The following PCDHA10 variants were observed in gnomAD, a reference collection of about 807,000 sequenced individuals.
PCDHA10 encodes protocadherin alpha-10.
In PCDHA10, 45 loss-of-function variants were observed where a neutral mutation model predicts 61.2. That is an observed-to-expected ratio of 0.74 (90% CI 0.58 to 0.94). PCDHA10 has a LOEUF of 0.94. PCDHA10 is among the 40% of genes least tolerant of loss of function. The pLI is 0.00. For missense variants in PCDHA10, 1,278 were observed against 1,236.2 expected (o/e 1.03, Z -0.51); for synonymous variants, 602 against 548.8 (o/e 1.10, Z -1.35).
At chr5:140,966,767 A>T in intron 1 of PCDHA10, 1 of 1,484,362 alleles carries the variant, frequency 6.7e-7, no homozygotes, top group South Asian at 1.3e-5. Context: ...GCCAGTGGCT[A>T]TGGAGCAGGC....
rs201652283 is a variant in PCDHA10, at chr5:141,009,916, G to A, written c.2826G>A (p.Thr942=). The A allele has an allele frequency of 4.3e-6, 7 of 1,611,506 alleles. No homozygotes were observed. The highest frequency in any genetic ancestry group is 2.2e-5 in the East Asian group (1 of 44,862). ...TQEKKEKGNS[T]TDNSDQ is the part of the protein sequence containing the mutation. The stretch of plus-strand genomic sequence containing the variant: ...AGAAAAAAGAGAAAGGGAACAGCAC[G>A]ACTGACAACAGTGACCAGTGAGGTC... Residue 942 remains threonine (T), a synonymous_variant, in exon 4 of 4, where the codon ACG becomes ACA. Coordinates refer to ENST00000307360, the MANE Select transcript of PCDHA10 (RefSeq NM_018901.4).
intron 1 of PCDHA10, chr5:140,883,938 A>C (rs782647232): frequency 6.2e-7 from 1 of 1,613,360 alleles, no homozygotes; most frequent in East Asian, 2.2e-5. Context: ...TTCGTGCTGG[A>C]CGAGAACGAC....
Position 140,858,189 on chromosome 5 carries a change from T to C in PCDHA10, c.2141T>C (p.Leu714Pro). The C allele has an allele frequency of 1.3e-6, 2 of 1,597,232 alleles. 1 individual carries two copies. Among genetic ancestry groups the C allele is most frequent in the Non-Finnish European group, 1.7e-6 (2 of 1,167,008 alleles). The change falls in exon 1 of 4, where the codon CTG (leucine) becomes CCG (proline). Residue 714 changes from leucine to proline, a missense_variant. Coordinates refer to ENST00000307360, the MANE Select transcript of PCDHA10 (RefSeq NM_018901.4). ...TCCAGCTTGCTGGTGCTCACGCTGC[T>C]GCTGTACACTGCACTGAGGTGCTCG... Reference protein sequence around the residue: ...AVSSLLVLTLLLYTALRCSAA... With the variant: ...AVSSLLVLTLPLYTALRCSAA...
At chr5:140,926,217 T>C (rs1201243643) in intron 1 of PCDHA10, among the ~76,000 whole-genome samples, 1 of 151,994 alleles carries the variant, frequency 6.6e-6, no homozygotes, top group African/African-American at 2.4e-5. Flanking sequence ...CCTGTTTCCT[T>C]AAGCCTAGAA....
At position 140,927,553 on chromosome 5, in the gene PCDHA10, A is replaced by G. The variant is rs782577411; in HGVS notation, c.2389-51396A>G. 1.3e-5 allele frequency: 21 copies of G among 1,614,030 alleles called. No homozygotes were observed. The highest frequency in any genetic ancestry group is 9.3e-5 in the African/African-American group (7 of 74,932). ...CCGCTCAGGAGACGCACAAGTCACC[A>G]TCATTGTGGTGGACACAAATGACAA... On this transcript the variant is annotated intron_variant, in intron 1 of 3. Coordinates refer to ENST00000307360, the MANE Select transcript of PCDHA10 (RefSeq NM_018901.4).
At chr5:141,006,774 A>G (rs1435816376) in intron 3 of PCDHA10, among the ~76,000 whole-genome samples, 8 of 152,172 alleles carry the variant, frequency 5.3e-5, no homozygotes, top group Admixed American at 3.3e-4. Flanking sequence ...AGAATAGAGA[A>G]AAATGAATAA....
chr5:141,001,229 A>G (rs1055246744), intron 3 of PCDHA10, among the ~76,000 whole-genome samples: 41 of 152,314 alleles, frequency 2.7e-4, no homozygotes, highest in African/African-American at 9.1e-4. Flanking sequence ...AGTTACATTT[A>G]ATCTATAAAT....
intron 1 of PCDHA10, chr5:140,966,570 G>A: frequency 2.0e-6 from 1 of 501,774 alleles, no homozygotes; most frequent in Non-Finnish European, 3.3e-6. Context: ...GGAATATGGG[G>A]AGTCAGCGAG....
chr5:140,884,323 C>G (rs1554181434), intron 1 of PCDHA10: 10 of 1,613,816 alleles, frequency 6.2e-6, no homozygotes, highest in Non-Finnish European at 8.5e-6. Context: ...CGTCGGCAGG[C>G]GCTGTGGGTC....
chr5:141,003,589 A>G (rs781995684), intron 3 of PCDHA10, among the ~76,000 whole-genome samples: 9 of 152,170 alleles, frequency 5.9e-5, no homozygotes, highest in Non-Finnish European at 1.3e-4. Context: ...CTGGGATTTT[A>G]GATGTGAGCC....
chr5:140,873,557 T>C (rs1347474996), intron 1 of PCDHA10, among the ~76,000 whole-genome samples: 1 of 150,760 alleles, frequency 6.6e-6, no homozygotes, highest in Non-Finnish European at 1.5e-5. Context: ...TTTCAATTTA[T>C]TTTCTAGTTT....
At chr5:140,927,905 C>T in intron 1 of PCDHA10, 3 of 1,614,210 alleles carry the variant, frequency 1.9e-6, no homozygotes, top group Non-Finnish European at 2.5e-6. Context: ...GATCATGCCC[C>T]CGAACTGGAC....
At chr5:140,869,601 T>C (rs1581902552) in intron 1 of PCDHA10, 1 of 1,613,936 alleles carries the variant, frequency 6.2e-7, no homozygotes, top group East Asian at 2.2e-5. Context: ...AAGAGAATGC[T>C]CTATTGACCT....
chr5:140,929,307 C>T (rs149565434), intron 1 of PCDHA10: 10 of 1,570,046 alleles, frequency 6.4e-6, no homozygotes, highest in Admixed American at 1.8e-5. Context: ...AAGGGGATCA[C>T]GCTAATGTCA....
chr5:140,994,428 C>T lies in PCDHA10; in HGVS notation c.2536+11865C>T, dbSNP rs183026150. Among the ~76,000 whole-genome samples, 15 of 152,198 alleles carry T rather than the reference C, an allele frequency of 9.9e-5. No individual in the cohort carries two copies. The South Asian group carries it at 1.2e-3, about 13-fold the overall frequency. On this transcript the variant is annotated intron_variant, in intron 3 of 3. Transcript: ENST00000307360. ...TTTAATACTGGATATTGAGGCCGGGCGCAGTGGCTCACACCTGTGATCCCA... is the reference window on the plus strand; with the variant it reads ...TTTAATACTGGATATTGAGGCCGGGTGCAGTGGCTCACACCTGTGATCCCA...
chr5:140,927,564 G>A (rs868927450), intron 1 of PCDHA10: 1 of 1,614,150 alleles, frequency 6.2e-7, no homozygotes, highest in South Asian at 1.1e-5. Context: ...TCATTGTGGT[G>A]GACACAAATG....
Position 141,010,188 on chromosome 5 carries a change from T to A in PCDHA10, c.*251T>A. ...CAGAACCTAAAAAGCAGACCCAAGT[T>A]TCCTTTCTCCTCCGCCGCAAAGGAG... is the stretch of plus-strand genomic sequence containing the variant. On this transcript the variant is annotated 3_prime_UTR_variant, in exon 4 of 4. Coordinates refer to ENST00000307360, the MANE Select transcript of PCDHA10 (RefSeq NM_018901.4). 6.4e-7 allele frequency: 1 copy of A among 1,553,070 alleles called. No individual in the cohort carries two copies. The highest frequency in any genetic ancestry group is 1.2e-5 in the South Asian group (1 of 84,340).
chr5:140,914,944 CTT>C (rs35695909), intron 1 of PCDHA10, among the ~76,000 whole-genome samples: 2,964 of 128,208 alleles, frequency 0.023, 99 homozygotes, highest in African/African-American at 0.077. Flanking sequence ...GAAAAGTTGT[CTT>C]TTTTTTTTTT....
rs185481644 is a variant in PCDHA10, at chr5:140,906,049, T to C, written c.2388+47613T>C. 1.7e-3 allele frequency among the ~76,000 whole-genome samples: 263 copies of C among 152,304 alleles called. 2 individuals are homozygous for C. Among genetic ancestry groups the C allele is most frequent in the African/African-American group, 5.9e-3 (247 of 41,562 alleles). ...TTCTTCTGTCTGCTTTTATTCTGGC[T>C]GCACTGGCAGCTGATTAGATCGCAC... On this transcript the variant is annotated intron_variant, in intron 1 of 3. Transcript: ENST00000307360.
Sources: allele counts gnomAD v4.1 joint callset (sites outside exome capture counted in the v4.1 genomes callset), GRCh38; gene constraint gnomAD v4.1.1; transcripts MANE v1.5; gene names NCBI Gene and HGNC (gene_info 2026-07-23, HGNC 2026-07-21).